ZNF792: variants seen among roughly 807,000 people sequenced by gnomAD.
ZNF792 encodes the protein zinc finger protein 792.
A neutral mutation model predicts 13.1 loss-of-function variants in ZNF792; 14 were observed. That is an observed-to-expected ratio of 1.07 (90% CI 0.71 to 1.67). The LOEUF is 1.67. ZNF792 is among the 40% of genes most tolerant of loss of function. The pLI is 0.00. For synonymous variants in ZNF792, 257 were observed against 292.0 expected (o/e 0.88, Z 1.22); for missense variants, 740 against 807.9 (o/e 0.92, Z 1.02).
intron 2 of ZNF792, 77 bp downstream of exon 2, chr19:34,960,791 A>G (rs1226259080): frequency 1.2e-6 from 2 of 1,606,312 alleles, no homozygotes; most frequent in Admixed American, 3.3e-5. Context: ...GGCTGTGGGA[A>G]GGAAAGAGCT....
rs1376499290 is a variant in ZNF792, at chr19:34,958,384, A to G, written c.1471T>C (p.Ser491Pro). Residue 491 changes from serine (S) to proline (P), a missense_variant, in exon 4 of 4, where the codon TCC becomes CCC. Transcript: ENST00000404801. ...AGTCTCCGATGGCTATTGAGGCTGG[A>G]GCTCTGGCTAAATAACTTCCCACAT... ...NECGKLFSQS[S>P]SLNSHRRLHT... 1.2e-6 allele frequency: 2 copies of G among 1,613,610 alleles called. No individual in the cohort carries two copies. Among genetic ancestry groups the G allele is most frequent in the Non-Finnish European group, 8.5e-7 (1 of 1,179,802 alleles).
In ZNF792 at chr19:34,958,171, A is replaced by T. The variant is rs779730412; in HGVS notation, c.1684T>A (p.Tyr562Asn). The T allele has an allele frequency of 6.2e-7, 1 of 1,611,682 alleles. No individual in the cohort carries two copies. The highest frequency in any genetic ancestry group is 1.7e-5 in the Admixed American group (1 of 59,974). The change falls in exon 4 of 4, where the codon TAC becomes AAC. Residue 562 changes from tyrosine to asparagine, a missense_variant. By Grantham distance (143) the Tyr-to-Asn change is moderately radical. Coordinates refer to ENST00000404801, the MANE Select transcript of ZNF792 (RefSeq NM_175872.5). ...GCTTTCCCACATTCGCTGCATTCGT[A>T]AGGCCTGTCTGGTTTGTGAACTTTC... ...HLKVHKPDRP[Y>N]ECSECGKAFN...
intron 1 of ZNF792, among the ~76,000 whole-genome samples, 153 bp from the exon 2 acceptor site, chr19:34,961,147 C>A (rs184435090): frequency 2.3e-3 from 352 of 152,252 alleles, no homozygotes; most frequent in Non-Finnish European, 3.8e-3. Flanking sequence ...TGTCAGCCCG[C>A]AGCAGCAACA....
In ZNF792 at chr19:34,958,427, C is replaced by T; in HGVS notation, c.1428G>A (p.Arg476=). 6.2e-7 allele frequency: 1 copy of T among 1,612,376 alleles called. No individual in the cohort carries two copies. Among genetic ancestry groups the T allele is most frequent in the Non-Finnish European group, 8.5e-7 (1 of 1,179,026 alleles). ...MKHQRVHTGE[R]PYECNECGKL... ...TCCCACATTCATTGCATTCATAAGG[C>T]CGCTCACCAGTGTGAACTCGCTGAT... Residue 476 remains arginine, a synonymous_variant, in exon 4 of 4, where the codon CGG becomes CGA. Transcript: ENST00000404801.
Position 34,956,671 on chromosome 19 carries a change from A to G in ZNF792, c.*1285T>C, listed in dbSNP as rs138473365. ...CTCATTTTAGAAAATCCGATTTGGC[A>G]ACCCTATATTGACTCTGTCATCTCT... On this transcript the variant is annotated 3_prime_UTR_variant, in exon 4 of 4. Transcript: ENST00000404801. The G allele has an allele frequency of 5.6e-4, 85 of 152,322 alleles. No homozygotes were observed. Among genetic ancestry groups the G allele is most frequent in the African/African-American group, 2.0e-3 (83 of 41,564 alleles). The allele number at this position is 152,322 out of a possible 1,614,324, so 9.4% of individuals were successfully genotyped here. A position where few individuals can be genotyped will look rare whatever the true frequency, so the allele number is the denominator to read the frequency against.
chr19:34,963,683 G>A lies in ZNF792; in HGVS notation c.-21C>T, dbSNP rs1458700386. The stretch of plus-strand genomic sequence containing the variant: ...GCCATCGGAGTCTGTGGTCAGAGCA[G>A]GGCCCCACGGTGCGGGAAACCACGG... On this transcript the variant is annotated 5_prime_UTR_variant, in exon 1 of 4. Coordinates refer to ENST00000404801, the MANE Select transcript of ZNF792 (RefSeq NM_175872.5). The A allele has an allele frequency of 1.9e-6, 3 of 1,581,958 alleles. No homozygotes were observed. Among genetic ancestry groups the A allele is most frequent in the East Asian group, 2.3e-5 (1 of 43,930 alleles).
At chr19:34,959,630 C>T in intron 3 of ZNF792, 59 bp from the exon 4 acceptor site, 2 of 1,493,942 alleles carry the variant, frequency 1.3e-6, no homozygotes, top group South Asian at 2.8e-5. Context: ...GAAAGAGCCC[C>T]ATCACCTATG....
rs759468388 is a variant in ZNF792, at chr19:34,958,886, G to A, written c.969C>T (p.Ser323=). The part of the protein sequence containing the change: ...CECGKFFSQH[S]SLVKHRRVHT... ...GAACCCTGCGATGTTTAACAAGGCT[G>A]GAGTGCTGGCTGAAGAATTTTCCAC... The change falls in exon 4 of 4, where the codon TCC becomes TCT. Residue 323 remains serine, a synonymous_variant. Transcript: ENST00000404801. 3 of 1,613,568 alleles carry A rather than the reference G, an allele frequency of 1.9e-6. No homozygotes were observed. Among genetic ancestry groups the A allele is most frequent in the Non-Finnish European group, 2.5e-6 (3 of 1,179,584 alleles).
At chr19:34,961,116 G>A (rs775576699) in intron 1 of ZNF792, 122 bp from the exon 2 acceptor site, 47 of 1,412,372 alleles carry the variant, frequency 3.3e-5, no homozygotes, top group Admixed American at 6.5e-5. Context: ...CTGGTTCTGT[G>A]GGCGCCTCAT....
At chr19:34,963,520 G>A in intron 1 of ZNF792, 110 bp downstream of exon 1, 1 of 1,480,494 alleles carries the variant, frequency 6.8e-7, no homozygotes. Context: ...TCAAAAGCAA[G>A]GAAATGGGAA....
At chr19:34,961,053 C>T (rs1180141828) in intron 1 of ZNF792, 59 bp from the exon 2 acceptor site, 3 of 1,564,168 alleles carry the variant, frequency 1.9e-6, no homozygotes, top group East Asian at 4.5e-5. Context: ...ACTCCCTATC[C>T]ATCCCCTGCT....
intron 1 of ZNF792, among the ~76,000 whole-genome samples, chr19:34,961,891 C>T (rs1178075982): frequency 6.6e-6 from 1 of 152,148 alleles, no homozygotes; most frequent in African/African-American, 2.4e-5. Flanking sequence ...TAAGCACCAG[C>T]CCAGGCCTCA....
rs775594825 is a variant in ZNF792 at position 34,960,908 on chromosome 19, G to A, written c.120C>T (p.Cys40=). The A allele has an allele frequency of 1.2e-5, 20 of 1,614,036 alleles. No individual in the cohort carries two copies. Among genetic ancestry groups the A allele is most frequent in the Middle Eastern group, 1.7e-4 (1 of 6,060 alleles). Residue 40 remains cysteine (C), a synonymous_variant, in exon 2 of 4, where the codon TGC becomes TGT. Coordinates refer to ENST00000404801, the MANE Select transcript of ZNF792 (RefSeq NM_175872.5). ...LLDEAQRLLY[C]DVMLENFALI... is the part of the protein sequence containing the mutation. ...GTGCAAAGTTTTCCAGCATCACATCGCAGTACAGGAGTCTCTGAGCCTCAT... is the reference window on the plus strand; with the variant it reads ...GTGCAAAGTTTTCCAGCATCACATCACAGTACAGGAGTCTCTGAGCCTCAT...
chr19:34,963,381 G>A (rs1479150628), intron 1 of ZNF792, among the ~76,000 whole-genome samples: 3 of 151,902 alleles, frequency 2.0e-5, no homozygotes, highest in African/African-American at 7.3e-5. Context: ...TGCGCACGCT[G>A]GTTCCTGTGC....
In ZNF792 at chr19:34,958,689, G is replaced by T; in HGVS notation, c.1166C>A (p.Thr389Lys). The T allele has an allele frequency of 6.2e-7, 1 of 1,614,036 alleles. No individual in the cohort carries two copies. Among genetic ancestry groups the T allele is most frequent in the South Asian group, 1.1e-5 (1 of 91,074 alleles). Residue 389 changes from threonine to lysine, a missense_variant, in exon 4 of 4, where the codon ACG becomes AAG. Transcript: ENST00000404801. ...ACTGCACTCATGGGCACTTCTGCCC[G>T]TATGAACCCTCTTATGATGAATGAG... ...SNLIHHKRVH[T>K]GRSAHECSEC... is the part of the protein sequence containing the mutation.
In ZNF792 at chr19:34,960,957, G is replaced by A. The variant is rs748501947; in HGVS notation, c.71C>T (p.Ser24Phe). 3.1e-6 allele frequency: 5 copies of A among 1,613,976 alleles called. No individual in the cohort carries two copies. In the South Asian group the frequency reaches 4.4e-5, roughly 14 times the overall value. ...ATCGAGGAGCACCCACTCCTCCTGG[G>A]AGAAGTAAATGGTCACGTCCTCAAA... is the stretch of plus-strand genomic sequence containing the variant. ...VTFEDVTIYF[S>F]QEEWVLLDEA... The change falls in exon 2 of 4, where the codon TCC becomes TTC. Residue 24 changes from serine (S) to phenylalanine (F), a missense_variant. Physicochemically the swap from Ser to Phe is radical, Grantham distance 155. Transcript: ENST00000404801.
At chr19:34,961,224 C>T (rs1310579314) in intron 1 of ZNF792, among the ~76,000 whole-genome samples, 1 of 152,114 alleles carries the variant, frequency 6.6e-6, no homozygotes, top group South Asian at 2.1e-4. Context: ...CGCTCTTCTG[C>T]CAGCCTCTTC....
chr19:34,961,141 A>T lies in ZNF792; in HGVS notation c.34-147T>A, dbSNP rs2546026. On this transcript the variant is annotated intron_variant, in intron 1 of 3. Transcript: ENST00000404801. ...GGGCGCCTCATGTGACCACTGTGTC[A>T]GCCCGCAGCAGCAACAGGCAGGGTG... The T allele has an allele frequency of 2.6e-6, 3 of 1,148,734 alleles. No individual in the cohort carries two copies. In the African/African-American group the frequency reaches 4.7e-5, roughly 18 times the overall value. The allele number at this position is 1,148,734 out of a possible 1,614,324, so 71.2% of individuals were successfully genotyped here.
At position 34,960,883 on chromosome 19, in the gene ZNF792, G is replaced by C. The variant is rs772676452; in HGVS notation, c.145C>G (p.Leu49Val). Residue 49 changes from leucine to valine, a missense_variant, in exon 2 of 4, where the codon CTT (leucine) becomes GTT (valine). Transcript: ENST00000404801. Reference protein sequence around the residue: ...YCDVMLENFALIASLGLISFR... With the variant: ...YCDVMLENFAVIASLGLISFR... ...ACAGCCTTACCCAGCGAGGCTATAA[G>C]TGCAAAGTTTTCCAGCATCACATCG... 1 of 1,614,092 alleles carries C rather than the reference G, an allele frequency of 6.2e-7. No homozygotes were observed. Among genetic ancestry groups the C allele is most frequent in the Non-Finnish European group, 8.5e-7 (1 of 1,179,966 alleles).
Sources: allele counts gnomAD v4.1 joint callset (sites outside exome capture counted in the v4.1 genomes callset), GRCh38; gene constraint gnomAD v4.1.1; transcripts MANE v1.5; gene names NCBI Gene and HGNC (gene_info 2026-07-23, HGNC 2026-07-21).